Variants in PAQR7 observed in about 807,000 individuals in gnomAD.
PAQR7 encodes progestin and adipoQ receptor family member 7.
Under a neutral mutation model 24.6 loss-of-function variants are expected in PAQR7, and 14 were observed. That is an observed-to-expected ratio of 0.57 (90% CI 0.38 to 0.89). The LOEUF (loss-of-function observed/expected upper bound fraction) is 0.89, where lower values mean the gene tolerates loss of function less well. Ranked by LOEUF, PAQR7 falls within the 40% of genes least tolerant of loss-of-function variation. The probability of loss-of-function intolerance (pLI) is 0.00; values close to 1 mark genes in which losing one functional copy is unlikely to be tolerated. For missense variants in PAQR7, 351 were observed against 444.0 expected (o/e 0.79, Z 1.88); for synonymous variants, 189 against 198.8 (o/e 0.95, Z 0.42).
At position 25,875,480 on chromosome 1, in the gene PAQR7, C is replaced by A. The variant is rs1461198612; in HGVS notation, c.-109+8G>T. Among the ~76,000 whole-genome samples, 1 of 152,110 alleles carries A rather than the reference C, an allele frequency of 6.6e-6. No individual in the cohort carries two copies. Among genetic ancestry groups the A allele is most frequent in the Non-Finnish European group, 1.5e-5 (1 of 67,998 alleles). ...CAGCCAGGCCTCCCCGTCTTGGCAG[C>A]CCCGTACCTGAGCCGGAGCCGAGCT... On this transcript the variant is annotated splice_region_variant and intron_variant, in intron 1 of 2. Transcript: ENST00000675840. The surrounding 1 kb of genome is among the most constrained non-coding windows in gnomAD (Gnocchi z 5.4).
Position 25,862,954 on chromosome 1 carries a change from C to A in PAQR7, c.886G>T (p.Asp296Tyr). 1 of 1,614,154 alleles carries A rather than the reference C, an allele frequency of 6.2e-7. No homozygotes were observed. The highest frequency in any genetic ancestry group is 8.5e-7 in the Non-Finnish European group (1 of 1,180,054). Residue 296 changes from aspartate to tyrosine, a missense_variant, in exon 3 of 3, where the codon GAC becomes TAC. Transcript: ENST00000675840. ...TLAQLEAVALDYEARRPIYEP... is the reference protein window; with the variant it reads ...TLAQLEAVALYYEARRPIYEP... ...TAGATGGGCCGTCGGGCCTCATAGT[C>A]CAGTGCCACAGCCTCCAGCTGAGCC... is the stretch of plus-strand genomic sequence containing the variant.
intron 2 of PAQR7, among the ~76,000 whole-genome samples, chr1:25,864,816 CTCAAGCTTGA>C (rs2048543332): frequency 2.0e-5 from 3 of 151,942 alleles, no homozygotes; most frequent in Admixed American, 2.0e-4. Flanking sequence ...CACTACTACT[CTCAAGCTTGA>C]TCAAGCTTGA....
In PAQR7 at chr1:25,863,714, G is replaced by C; in HGVS notation, c.126C>G (p.Phe42Leu). The C allele has an allele frequency of 6.2e-7, 1 of 1,614,158 alleles. No individual in the cohort carries two copies. Among genetic ancestry groups the C allele is most frequent in the Non-Finnish European group, 8.5e-7 (1 of 1,180,042 alleles). Residue 42 changes from phenylalanine to leucine, a missense_variant, in exon 3 of 3, where the codon TTC becomes TTG. Physicochemically the swap from Phe to Leu is conservative, Grantham distance 22. Coordinates refer to ENST00000675840, the MANE Select transcript of PAQR7 (RefSeq NM_178422.6). The surrounding 1 kb of genome is among the most constrained non-coding windows in gnomAD (Gnocchi z 6.1). Reference protein sequence around the residue: ...TVDRAEVPPLFWKPYIYAGYR... With the variant: ...TVDRAEVPPLLWKPYIYAGYR... ...AGCCCGCATAGATGTACGGCTTCCA[G>C]AAGAGCGGCGGCACCTCAGCTCGAT...
intron 2 of PAQR7, among the ~76,000 whole-genome samples, chr1:25,868,630 A>G (rs913501762): frequency 6.1e-5 from 9 of 148,064 alleles, no homozygotes; most frequent in African/African-American, 2.0e-4. Flanking sequence ...AGATCCCTTG[A>G]GCCTCAGAGG....
intron 1 of PAQR7, among the ~76,000 whole-genome samples, chr1:25,872,640 G>A (rs982143005): frequency 2.0e-5 from 3 of 151,320 alleles, no homozygotes; most frequent in East Asian, 1.9e-4. Context: ...AGCCTCTTGA[G>A]TAGTTGGGAA....
rs2124527276 is a variant in PAQR7, at chr1:25,863,922, T to TA, written c.-22-62_-22-61insT. 7.5e-7 allele frequency: 1 copy of TA among 1,332,366 alleles called. No homozygotes were observed. The highest frequency in any genetic ancestry group is 1.4e-5 in the South Asian group (1 of 70,528). 82.5% of individuals were successfully genotyped at this position (1,332,366 alleles called of 1,614,324 possible). On this transcript the variant is annotated intron_variant, in intron 2 of 2. Coordinates refer to ENST00000675840, the MANE Select transcript of PAQR7 (RefSeq NM_178422.6). The surrounding 1 kb of genome is among the most constrained non-coding windows in gnomAD (Gnocchi z 6.1). ...TGTCCTCACCCCCACGAGCAGCAGCTGGGGGGCTCTGATGCCCAAATCCTA... is the reference window on the plus strand; with the variant it reads ...TGTCCTCACCCCCACGAGCAGCAGCTAGGGGGGCTCTGATGCCCAAATCCTA...
intron 1 of PAQR7, among the ~76,000 whole-genome samples, chr1:25,871,415 G>C (rs974306979): frequency 2.0e-5 from 3 of 152,130 alleles, no homozygotes; most frequent in Admixed American, 1.3e-4. Context: ...ATGGCATATG[G>C]TCTGGCCTGG....
chr1:25,873,673 C>T (rs965987333), intron 1 of PAQR7, among the ~76,000 whole-genome samples: 1 of 152,096 alleles, frequency 6.6e-6, no homozygotes, highest in Non-Finnish European at 1.5e-5. Flanking sequence ...CAGGCTCAAG[C>T]CATCCTCCCA....
chr1:25,867,114 C>T (rs1049284747), intron 2 of PAQR7, among the ~76,000 whole-genome samples: 1 of 152,216 alleles, frequency 6.6e-6, no homozygotes, highest in Non-Finnish European at 1.5e-5. Context: ...CAGCCTTGAC[C>T]TCATGGACTC....
rs1169914649 is a variant in PAQR7 at position 25,875,407 on chromosome 1, A to C, written c.-109+81T>G. On this transcript the variant is annotated intron_variant, in intron 1 of 2. Coordinates refer to ENST00000675840, the MANE Select transcript of PAQR7 (RefSeq NM_178422.6). The surrounding 1 kb of genome is among the most constrained non-coding windows in gnomAD (Gnocchi z 5.4). ...TTGCTCTTTCCACGTCCAGCCCCGC[A>C]GCCCCGCAGCCCCGCCGCGCCCCGT... 1.3e-5 allele frequency among the ~76,000 whole-genome samples: 2 copies of C among 152,056 alleles called. No individual in the cohort carries two copies. The highest frequency in any genetic ancestry group is 2.9e-5 in the Non-Finnish European group (2 of 67,984).
rs2048529561 is a variant in PAQR7 at position 25,863,484 on chromosome 1, G to C, written c.356C>G (p.Ser119Cys). 3 of 1,614,120 alleles carry C rather than the reference G, an allele frequency of 1.9e-6. No individual in the cohort carries two copies. In the South Asian group the frequency reaches 3.3e-5, roughly 18 times the overall value. The change falls in exon 3 of 3, where the codon TCC becomes TGC. Residue 119 changes from serine to cysteine, a missense_variant. By Grantham distance (112) the Ser-to-Cys change is moderately radical. Coordinates refer to ENST00000675840, the MANE Select transcript of PAQR7 (RefSeq NM_178422.6). The surrounding 1 kb of genome is among the most constrained non-coding windows in gnomAD (Gnocchi z 6.1). The stretch of plus-strand genomic sequence containing the variant: ...CAGGAGGTGAGCCAAGGCACTGAAG[G>C]AGAGGTAGGTGAAAGAGGCAAGGAC... Reference protein sequence around the residue: ...IIVLASFTYLSFSALAHLLQA... With the variant: ...IIVLASFTYLCFSALAHLLQA...
At chr1:25,872,734 C>A (rs1204696529) in intron 1 of PAQR7, among the ~76,000 whole-genome samples, 2 of 152,228 alleles carry the variant, frequency 1.3e-5, no homozygotes, top group East Asian at 3.9e-4. Flanking sequence ...TGGTCTCGAA[C>A]TCCTGGTCTC....
chr1:25,865,824 T>A (rs1017277315), intron 2 of PAQR7, among the ~76,000 whole-genome samples: 1 of 147,808 alleles, frequency 6.8e-6, no homozygotes, highest in Non-Finnish European at 1.5e-5. Context: ...AATAAATAAA[T>A]AAAAATACAA....
chr1:25,871,595 C>A (rs2048606140), intron 1 of PAQR7, among the ~76,000 whole-genome samples: 1 of 152,066 alleles, frequency 6.6e-6, no homozygotes, highest in Non-Finnish European at 1.5e-5. Flanking sequence ...TCAAGGTCAG[C>A]CCTCCTCACC....
intron 2 of PAQR7, among the ~76,000 whole-genome samples, chr1:25,864,438 C>T (rs1289142826): frequency 6.6e-6 from 1 of 152,188 alleles, no homozygotes; most frequent in Non-Finnish European, 1.5e-5. Context: ...ACTTCAAATC[C>T]AGACACAGCC....
At chr1:25,873,448 G>C (rs2048620702) in intron 1 of PAQR7, among the ~76,000 whole-genome samples, 1 of 151,640 alleles carries the variant, frequency 6.6e-6, no homozygotes, top group Non-Finnish European at 1.5e-5. Context: ...CCCCAACTTG[G>C]TCCAAAGTGT....
chr1:25,869,132 G>GA (rs1330567189), intron 2 of PAQR7, among the ~76,000 whole-genome samples: 218 of 146,514 alleles, frequency 1.5e-3, no homozygotes, highest in African/African-American at 4.9e-3. Flanking sequence ...ATCTCAAGAA[G>GA]AAAAAAAAAA....
In PAQR7 at chr1:25,863,769, G is replaced by A; in HGVS notation, c.71C>T (p.Ser24Phe). 6.2e-7 allele frequency: 1 copy of A among 1,613,760 alleles called. No homozygotes were observed. Among genetic ancestry groups the A allele is most frequent in the East Asian group, 2.2e-5 (1 of 44,884 alleles). Residue 24 changes from serine (S) to phenylalanine (F), a missense_variant, in exon 3 of 3, where the codon TCT becomes TTT. Coordinates refer to ENST00000675840, the MANE Select transcript of PAQR7 (RefSeq NM_178422.6). The surrounding 1 kb of genome is among the most constrained non-coding windows in gnomAD (Gnocchi z 6.1). ...LRQVIQEPQL[S>F]LQPEPVFTVD... ...CGTGAAGACAGGCTCTGGCTGCAGAGATAGCTGAGGCTCCTGGATGACCTG... is the reference window on the plus strand; with the variant it reads ...CGTGAAGACAGGCTCTGGCTGCAGAAATAGCTGAGGCTCCTGGATGACCTG...
intron 1 of PAQR7, among the ~76,000 whole-genome samples, chr1:25,874,272 A>C (rs909193709): frequency 2.9e-4 from 44 of 150,650 alleles, no homozygotes; most frequent in African/African-American, 1.1e-3. Context: ...CCTTGAACTC[A>C]CGGCTTAAGC....
Sources: gnomAD v4.1 joint callset for allele counts (sites outside exome capture counted in the v4.1 genomes callset) on GRCh38, gnomAD v4.1.1 for gene constraint, Gnocchi (gnomAD v3.1) non-coding constraint, MANE v1.5 for transcripts, NCBI Gene and HGNC (gene_info 2026-07-23, HGNC 2026-07-21) for gene names.